TRPV5: variants seen among roughly 807,000 people sequenced by gnomAD.
TRPV5 encodes the protein transient receptor potential cation channel subfamily V member 5, also known as calcium transport protein 2.
Under a neutral mutation model 74.1 loss-of-function variants are expected in TRPV5, and 66 were observed. The observed-to-expected ratio is 0.89, with a 90% confidence interval of 0.73 to 1.09. The LOEUF is 1.09. Among genes scored for constraint, TRPV5 ranks in the 50% least tolerant of loss-of-function variants. TRPV5 has a pLI of 0.00. For missense variants in TRPV5, 936 were observed against 930.4 expected (o/e 1.01, Z -0.08); for synonymous variants, 399 against 360.7 (o/e 1.11, Z -1.20).
At chr7:142,909,861 A>G (rs1795677347) in intron 13 of TRPV5, among the ~76,000 whole-genome samples, 1 of 152,228 alleles carries the variant, frequency 6.6e-6, no homozygotes, top group South Asian at 2.1e-4. Context: ...ATGGAGAATG[A>G]GTCACTCCAA....
intron 6 of TRPV5, 83 bp from the exon 7 acceptor site, chr7:142,928,317 G>T (rs754581431): frequency 6.7e-7 from 1 of 1,484,420 alleles, no homozygotes; most frequent in Non-Finnish European, 9.4e-7. Context: ...GGAGCCAGTT[G>T]CCCACCCCTT....
Position 142,912,594 on chromosome 7 carries a change from T to G in TRPV5, c.1676A>C (p.Asn559Thr). 1 of 1,614,208 alleles carries G rather than the reference T, an allele frequency of 6.2e-7. No individual in the cohort carries two copies. Among genetic ancestry groups the G allele is most frequent in the African/African-American group, 1.3e-5 (1 of 75,050 alleles). Residue 559 changes from asparagine to threonine, a missense_variant, in exon 13 of 15, where the codon AAC becomes ACC. Physicochemically the swap from Asn to Thr is moderately conservative, Grantham distance 65. Coordinates refer to ENST00000265310, the MANE Select transcript of TRPV5 (RefSeq NM_019841.7). The part of the protein sequence containing the change: ...VDLPFMFSIV[N>T]FAFTIIATLL... ...TGTGGCAATGATGGTGAAGGCGAAG[T>G]TGACAATGCTGAACATGAAGGGCAA...
At position 142,908,644 on chromosome 7, in the gene TRPV5, G is replaced by C. The variant is rs780538509; in HGVS notation, c.2060C>G (p.Ser687Cys). Residue 687 changes from serine (S) to cysteine (C), a missense_variant, in exon 15 of 15, where the codon TCC becomes TGC. Physicochemically the swap from Ser to Cys is moderately radical, Grantham distance 112. Transcript: ENST00000265310. The part of the protein sequence containing the change: ...ARASLALPTS[S>C]LSRTASQSSS... ...GCTCTGGGACGCGGTCCGGGACAGG[G>C]AGGAAGTTGGAAGAGCCAAAGAGGC... is the stretch of plus-strand genomic sequence containing the variant. 6.2e-7 allele frequency: 1 copy of C among 1,614,244 alleles called. No homozygotes were observed. Among genetic ancestry groups the C allele is most frequent in the Admixed American group, 1.7e-5 (1 of 60,028 alleles).
intron 8 of TRPV5, among the ~76,000 whole-genome samples, chr7:142,916,083 G>A (rs1452867073): frequency 6.6e-6 from 1 of 152,228 alleles, no homozygotes; most frequent in Non-Finnish European, 1.5e-5. Flanking sequence ...CTCTGAACTT[G>A]AGTTTTCTCA....
At chr7:142,921,092 G>A (rs1439603338) in intron 8 of TRPV5, among the ~76,000 whole-genome samples, 1 of 152,220 alleles carries the variant, frequency 6.6e-6, no homozygotes, top group African/African-American at 2.4e-5. Context: ...TAGCAGTGGT[G>A]CTTTGGATTG....
At chr7:142,910,443 T>C (rs577423389) in intron 13 of TRPV5, among the ~76,000 whole-genome samples, 2 of 152,332 alleles carry the variant, frequency 1.3e-5, no homozygotes, top group East Asian at 3.9e-4. Flanking sequence ...AGGAAAGGCA[T>C]AGTCCCGCTT....
intron 4 of TRPV5, 32 bp from the exon 5 acceptor site, chr7:142,929,152 A>G (rs1164237108): frequency 1.2e-5 from 19 of 1,609,678 alleles, no homozygotes; most frequent in Non-Finnish European, 1.6e-5. Context: ...TGGCAGGAGA[A>G]CGCAGGATGG....
rs763737332 is a variant in TRPV5, at chr7:142,933,296, C to G, written c.128+36G>C. ...GGTGGGTCAGAGGGTCTGAGGATCA[C>G]GGCGGTAGGGCCACGGATCGTTCTA... On this transcript the variant is annotated intron_variant, in intron 1 of 14. Coordinates refer to ENST00000265310, the MANE Select transcript of TRPV5 (RefSeq NM_019841.7). 7 of 1,608,280 alleles carry G rather than the reference C, an allele frequency of 4.4e-6. No individual in the cohort carries two copies. In the East Asian group the frequency reaches 1.6e-4, roughly 36 times the overall value.
chr7:142,919,547 C>A (rs1050895798), intron 8 of TRPV5, among the ~76,000 whole-genome samples: 1 of 152,166 alleles, frequency 6.6e-6, no homozygotes. Flanking sequence ...TGGCTAACAA[C>A]GCACAGAGAA....
In TRPV5 at chr7:142,930,244, G is replaced by C. The variant is rs968105108; in HGVS notation, c.227-64C>G. On this transcript the variant is annotated intron_variant, in intron 2 of 14. Transcript: ENST00000265310. The stretch of plus-strand genomic sequence containing the variant: ...GATTCCCTTGAGGAAGGGGCCTCAG[G>C]CTCCAGAGACACCCTCCAAGGCCCT... 31 of 1,608,420 alleles carry C rather than the reference G, an allele frequency of 1.9e-5. No homozygotes were observed. In the East Asian group the frequency reaches 6.7e-4, roughly 35 times the overall value.
At position 142,924,364 on chromosome 7, in the gene TRPV5, GTATATA is replaced by G. The variant is rs1795945156; in HGVS notation, c.1122+1159_1122+1164del. ...TATATATATATATAGACATATACATGTATATATATACATATATATATATATATACAT... is the reference window on the plus strand; with the variant it reads ...TATATATATATATAGACATATACATGTATACATATATATATATATATACAT... On this transcript the variant is annotated intron_variant, in intron 8 of 14. Transcript: ENST00000265310. Among the ~76,000 whole-genome samples, 2 of 14,702 alleles carry G rather than the reference GTATATA, an allele frequency of 1.4e-4. 1 individual carries two copies. Among genetic ancestry groups the G allele is most frequent in the Non-Finnish European group, 5.8e-4 (2 of 3,458 alleles). 9.6% of individuals were successfully genotyped at this position (14,702 alleles called of 152,430 possible). A position where few individuals can be genotyped will look rare whatever the true frequency, so the allele number is the denominator to read the frequency against.
chr7:142,928,675 G>A lies in TRPV5; in HGVS notation c.762+16C>T. 3 of 1,610,176 alleles carry A rather than the reference G, an allele frequency of 1.9e-6. No individual in the cohort carries two copies. Among genetic ancestry groups the A allele is most frequent in the South Asian group, 1.1e-5 (1 of 90,576 alleles). ...GTCATTAGAAAGACACCTCAGGGATGGGGAGCGTCTCTTACCACAGTGTTA... is the reference window on the plus strand; with the variant it reads ...GTCATTAGAAAGACACCTCAGGGATAGGGAGCGTCTCTTACCACAGTGTTA... On this transcript the variant is annotated intron_variant, in intron 6 of 14. Coordinates refer to ENST00000265310, the MANE Select transcript of TRPV5 (RefSeq NM_019841.7).
chr7:142,915,166 C>T, intron 10 of TRPV5, 120 bp from the exon 11 acceptor site: 2 of 1,512,794 alleles, frequency 1.3e-6, no homozygotes, highest in Non-Finnish European at 1.8e-6. Context: ...CTAAAACGCA[C>T]ATACAGTTAC....
Position 142,908,377 on chromosome 7 carries a change from C to A in TRPV5, c.*137G>T. 1.1e-6 allele frequency: 1 copy of A among 921,962 alleles called. No homozygotes were observed. The highest frequency in any genetic ancestry group is 1.6e-6 in the Non-Finnish European group (1 of 607,352). The allele number at this position is 921,962 out of a possible 1,614,324, so 57.1% of individuals were successfully genotyped here. ...TCTGATGTGAAGTGTGAGGCATGAC[C>A]CTTTAGGGATTGTTCTGTCTCACCC... On this transcript the variant is annotated 3_prime_UTR_variant, in exon 15 of 15. Coordinates refer to ENST00000265310, the MANE Select transcript of TRPV5 (RefSeq NM_019841.7).
rs773955812 is a variant in TRPV5, at chr7:142,930,111, A to C, written c.296T>G (p.Met99Arg). The part of the protein sequence containing the change: ...YDNLEAALVL[M>R]EAAPELVFEP... ...AAAGACCAGCTCTGGGGCAGCCTCC[A>C]TCAGCACCAAGGCCGCCTCCAAGTT... Residue 99 changes from methionine (M) to arginine (R), a missense_variant, in exon 3 of 15, where the codon ATG becomes AGG. Met to Arg is a moderately conservative substitution (Grantham distance 91). Transcript: ENST00000265310. 3.7e-6 allele frequency: 6 copies of C among 1,614,088 alleles called. No individual in the cohort carries two copies. The African/African-American group carries it at 8.0e-5, about 22-fold the overall frequency.
intron 1 of TRPV5, among the ~76,000 whole-genome samples, chr7:142,932,247 C>T (rs776192863): frequency 3.9e-5 from 6 of 152,270 alleles, no homozygotes; most frequent in Non-Finnish European, 5.9e-5. Flanking sequence ...GGCCCTCTAT[C>T]CCCACTGCCC....
At chr7:142,913,341 T>C (rs1394097868) in intron 12 of TRPV5, among the ~76,000 whole-genome samples, 6 of 152,220 alleles carry the variant, frequency 3.9e-5, no homozygotes, top group African/African-American at 1.2e-4. Context: ...AGCGCTGGAC[T>C]GCTTGAAAGC....
Position 142,908,641 on chromosome 7 carries a change from A to C in TRPV5, c.2063T>G (p.Leu688Arg), listed in dbSNP as rs570958870. 1.2e-6 allele frequency: 2 copies of C among 1,614,218 alleles called. No individual in the cohort carries two copies. The highest frequency in any genetic ancestry group is 4.5e-5 in the East Asian group (2 of 44,880). Residue 688 changes from leucine to arginine, a missense_variant, in exon 15 of 15, where the codon CTG (leucine) becomes CGG (arginine). By Grantham distance (102) the Leu-to-Arg change is moderately radical. Coordinates refer to ENST00000265310, the MANE Select transcript of TRPV5 (RefSeq NM_019841.7). ...GCTGCTCTGGGACGCGGTCCGGGACAGGGAGGAAGTTGGAAGAGCCAAAGA... is the reference window on the plus strand; with the variant it reads ...GCTGCTCTGGGACGCGGTCCGGGACCGGGAGGAAGTTGGAAGAGCCAAAGA... ...RASLALPTSSLSRTASQSSSH... is the reference protein window; with the variant it reads ...RASLALPTSSRSRTASQSSSH...
At chr7:142,925,403 G>T in intron 8 of TRPV5, 126 bp downstream of exon 8, 1 of 884,650 alleles carries the variant, frequency 1.1e-6, no homozygotes, top group Non-Finnish European at 1.8e-6. Flanking sequence ...ATTTCTACCT[G>T]GGTGTTTAGG....
Sources: gnomAD v4.1 joint callset for allele counts (sites outside exome capture counted in the v4.1 genomes callset) on GRCh38, gnomAD v4.1.1 for gene constraint, MANE v1.5 for transcripts, NCBI Gene and HGNC (gene_info 2026-07-23, HGNC 2026-07-21) for gene names.